Variants in CDK14 observed in about 807,000 individuals in gnomAD.
The protein encoded by CDK14 is cyclin-dependent kinase 14.
A neutral mutation model predicts 60.7 loss-of-function variants in CDK14; 34 were observed. The ratio of observed to expected loss-of-function variants is 0.56; its 90% CI spans 0.43 to 0.75. The LOEUF is 0.75. CDK14 is among the 30% of genes least tolerant of loss of function. The probability of loss-of-function intolerance (pLI) is 0.00; values close to 1 mark genes in which losing one functional copy is unlikely to be tolerated. For missense variants in CDK14, 482 were observed against 564.1 expected, an observed-to-expected ratio of 0.85 and a Z score of 1.47; for synonymous variants, 197 against 203.7, an observed-to-expected ratio of 0.97 and a Z score of 0.28.
chr7:90,621,646 T>TCCC (rs1190504932), intron 2 of CDK14, among the ~76,000 whole-genome samples: 1 of 145,314 alleles, frequency 6.9e-6, no homozygotes, highest in South Asian at 2.3e-4. Flanking sequence ...CCTTCCTTCC[T>TCCC]TCCTTCCTTC....
intron 9 of CDK14, among the ~76,000 whole-genome samples, chr7:90,974,189 A>G (rs759944346): frequency 6.6e-6 from 1 of 152,156 alleles, no homozygotes; most frequent in Non-Finnish European, 1.5e-5. Context: ...ATATGGCTCT[A>G]TTCTGCCTGA....
At chr7:90,629,075 T>A (rs998349000) in intron 2 of CDK14, among the ~76,000 whole-genome samples, 3 of 152,208 alleles carry the variant, frequency 2.0e-5, no homozygotes, top group Admixed American at 6.5e-5. Context: ...CTTTTTTGTT[T>A]TATATATATT....
At chr7:90,635,430 G>C (rs1411590980) in intron 2 of CDK14, among the ~76,000 whole-genome samples, 1 of 152,204 alleles carries the variant, frequency 6.6e-6, no homozygotes, top group African/African-American at 2.4e-5. Context: ...GTCTGTCAAA[G>C]ATCAGATAGT....
At chr7:91,079,614 T>A in intron 12 of CDK14, 134 bp downstream of exon 12, 1 of 719,442 alleles carries the variant, frequency 1.4e-6, no homozygotes, top group Non-Finnish European at 2.5e-6. Flanking sequence ...ATTAAACTGC[T>A]GTTAAACCTT....
At chr7:90,723,120 A>G (rs1170613106) in intron 2 of CDK14, among the ~76,000 whole-genome samples, 1 of 151,846 alleles carries the variant, frequency 6.6e-6, no homozygotes, top group East Asian at 1.9e-4. Context: ...AGGAAGTTTT[A>G]CTCTGTTTTT....
intron 4 of CDK14, among the ~76,000 whole-genome samples, chr7:90,755,066 G>T (rs1804001444): frequency 6.6e-6 from 1 of 152,146 alleles, no homozygotes; most frequent in Admixed American, 6.5e-5. Context: ...ATTTCTCAAA[G>T]AACTTAAAAC....
chr7:90,818,868 A>ATG (rs1789443981), intron 5 of CDK14, among the ~76,000 whole-genome samples: 3 of 122,524 alleles, frequency 2.4e-5, no homozygotes, highest in Admixed American at 9.3e-5. Flanking sequence ...CTCTCTCTCT[A>ATG]TGTGTGTGTG....
chr7:90,639,838 C>G (rs975609996), intron 2 of CDK14, among the ~76,000 whole-genome samples: 1 of 152,148 alleles, frequency 6.6e-6, no homozygotes, highest in African/African-American at 2.4e-5. Flanking sequence ...CGCCCCTCCC[C>G]CAGCCTGGCT....
intron 8 of CDK14, among the ~76,000 whole-genome samples, chr7:90,933,394 A>G (rs1209130161): frequency 1.3e-5 from 2 of 152,186 alleles, no homozygotes; most frequent in Non-Finnish European, 2.9e-5. Flanking sequence ...ACAGGTGATG[A>G]TAAGGAAGCC....
At chr7:90,703,280 A>T (rs538603478) in intron 2 of CDK14, among the ~76,000 whole-genome samples, 2 of 152,276 alleles carry the variant, frequency 1.3e-5, no homozygotes, top group South Asian at 4.1e-4. Flanking sequence ...TTAGTGCTAT[A>T]CATTTGGAAC....
chr7:91,043,222 G>A (rs927785331), intron 10 of CDK14, among the ~76,000 whole-genome samples: 11 of 152,202 alleles, frequency 7.2e-5, no homozygotes, highest in Non-Finnish European at 5.9e-5. Context: ...TTTTGCTAAC[G>A]CAAGCATTGT....
At chr7:90,619,556 A>C (rs1032748243) in intron 2 of CDK14, among the ~76,000 whole-genome samples, 29 of 152,352 alleles carry the variant, frequency 1.9e-4, no homozygotes, top group African/African-American at 6.7e-4. Context: ...TGATTATTTT[A>C]ACTTCTATAA....
Position 91,207,212 on chromosome 7 carries a change from A to G in CDK14, c.*76A>G, listed in dbSNP as rs977969343. ...GAAGAAAAAAAAAACATTAATGAAG[A>G]GGCCAATAATATGAAGGGAATCATG... On this transcript the variant is annotated 3_prime_UTR_variant, in exon 15 of 15. Transcript: ENST00000380050. 2.0e-5 allele frequency: 3 copies of G among 151,900 alleles called. No homozygotes were observed. The highest frequency in any genetic ancestry group is 7.3e-5 in the African/African-American group (3 of 41,370). The allele number at this position is 151,900 out of a possible 1,614,324, so 9.4% of individuals were successfully genotyped here.
chr7:90,802,764 C>T (rs1788690504), intron 5 of CDK14, among the ~76,000 whole-genome samples: 1 of 152,046 alleles, frequency 6.6e-6, no homozygotes. Context: ...ATGAAAATTT[C>T]TTCAAAATAA....
At chr7:90,839,903 G>A (rs1393512704) in intron 5 of CDK14, among the ~76,000 whole-genome samples, 3 of 152,038 alleles carry the variant, frequency 2.0e-5, no homozygotes, top group Admixed American at 6.6e-5. Flanking sequence ...ACTGACAGAC[G>A]GGTTTGCTTG....
intron 2 of CDK14, among the ~76,000 whole-genome samples, chr7:90,633,594 C>T (rs1800055226): frequency 6.6e-6 from 1 of 152,104 alleles, no homozygotes; most frequent in Non-Finnish European, 1.5e-5. Flanking sequence ...ACAAATTTTA[C>T]CTTGGAGCTT....
chr7:91,159,954 C>T (rs1388355708), intron 14 of CDK14, among the ~76,000 whole-genome samples: 1 of 152,160 alleles, frequency 6.6e-6, no homozygotes, highest in Non-Finnish European at 1.5e-5. Context: ...TAACAATATA[C>T]TACCTTTTCA....
At chr7:91,190,837 A>G (rs2115937653) in intron 14 of CDK14, among the ~76,000 whole-genome samples, 1 of 152,278 alleles carries the variant, frequency 6.6e-6, no homozygotes, top group South Asian at 2.1e-4. Context: ...TTCCAAGGGA[A>G]GATAACAAGT....
intron 2 of CDK14, among the ~76,000 whole-genome samples, chr7:90,625,519 AATT>A (rs2086656262): frequency 6.6e-6 from 1 of 152,226 alleles, no homozygotes; most frequent in African/African-American, 2.4e-5. Flanking sequence ...TAATTTGTGT[AATT>A]ATTGATCTCT....
Sources: gnomAD v4.1 joint callset for allele counts (sites outside exome capture counted in the v4.1 genomes callset) on GRCh38, gnomAD v4.1.1 for gene constraint, MANE v1.5 for transcripts, NCBI Gene and HGNC (gene_info 2026-07-23, HGNC 2026-07-21) for gene names.